The following HELZ variants were observed in gnomAD, a reference collection of about 807,000 sequenced individuals.
HELZ encodes ATP-dependent RNA helicase with zinc finger domain.
In HELZ, 23 loss-of-function variants were observed where a neutral mutation model predicts 218.2. The observed-to-expected ratio is 0.11, with a 90% confidence interval of 0.08 to 0.15. The LOEUF (loss-of-function observed/expected upper bound fraction) is 0.15, where lower values mean the gene tolerates loss of function less well. HELZ is among the 10% of genes least tolerant of loss of function. The pLI is 1.00. For synonymous variants in HELZ, 814 were observed against 829.4 expected, an observed-to-expected ratio of 0.98 and a Z score of 0.32; for missense variants, 1,813 against 2,353.7, an observed-to-expected ratio of 0.77 and a Z score of 4.75.
At chr17:67,210,817 G>C (rs1025034169) in intron 5 of HELZ, among the ~76,000 whole-genome samples, 1 of 152,104 alleles carries the variant, frequency 6.6e-6, no homozygotes, top group East Asian at 1.9e-4. Flanking sequence ...AGCTACTTGG[G>C]AGGCTGAGGC....
intron 27 of HELZ, among the ~76,000 whole-genome samples, chr17:67,118,692 C>CAAAAAAGA (rs2037503325): frequency 2.2e-5 from 1 of 44,912 alleles, no homozygotes; most frequent in Admixed American, 4.0e-4. Context: ...CTTTAAAAGG[C>CAAAAAAGA]AAAAAAAAAA....
chr17:67,231,593 A>AG (rs2041038416), intron 3 of HELZ, among the ~76,000 whole-genome samples: 3 of 139,078 alleles, frequency 2.2e-5, no homozygotes, highest in Non-Finnish European at 1.6e-5. Context: ...ACTCTGTCGG[A>AG]AAAAAAAAAA....
At chr17:67,133,558 G>A (rs942392510) in intron 23 of HELZ, among the ~76,000 whole-genome samples, 2 of 152,082 alleles carry the variant, frequency 1.3e-5, no homozygotes, top group Admixed American at 6.5e-5. Flanking sequence ...GTCTTGCTCT[G>A]TCACCCAGGC....
At chr17:67,235,640 G>A (rs1344004208) in intron 3 of HELZ, among the ~76,000 whole-genome samples, 2 of 152,004 alleles carry the variant, frequency 1.3e-5, no homozygotes, top group Non-Finnish European at 2.9e-5. Context: ...ATACAAAGGG[G>A]CTCACAGCAG....
intron 23 of HELZ, among the ~76,000 whole-genome samples, chr17:67,130,930 G>T (rs1304634698): frequency 6.6e-6 from 1 of 152,170 alleles, no homozygotes; most frequent in African/African-American, 2.4e-5. Context: ...CACTCAGAGT[G>T]AAGGGCAGGA....
intron 7 of HELZ, among the ~76,000 whole-genome samples, chr17:67,196,602 A>G (rs1000893043): frequency 1.5e-5 from 2 of 134,954 alleles, no homozygotes; most frequent in African/African-American, 5.5e-5. Flanking sequence ...GGATGGATGG[A>G]TGGGTGCATG....
chr17:67,099,752 G>T, intron 31 of HELZ, among the ~76,000 whole-genome samples: 1 of 152,134 alleles, frequency 6.6e-6, no homozygotes. Context: ...CTGGGGAAAG[G>T]TCAGCAACTT....
intron 19 of HELZ, 94 bp from the exon 20 acceptor site, chr17:67,148,808 T>G: frequency 8.5e-7 from 1 of 1,183,230 alleles, no homozygotes; most frequent in South Asian, 1.6e-5. Flanking sequence ...TAAAACTTCT[T>G]ATATACAAAA....
intron 9 of HELZ, among the ~76,000 whole-genome samples, chr17:67,192,437 T>C (rs1405559958): frequency 6.6e-6 from 1 of 152,214 alleles, no homozygotes. Context: ...AAAATTATAC[T>C]ATTTATTAAA....
chr17:67,172,504 C>T (rs1381124557), intron 13 of HELZ, among the ~76,000 whole-genome samples: 2 of 152,124 alleles, frequency 1.3e-5, no homozygotes, highest in Non-Finnish European at 2.9e-5. Context: ...TTCCCAAGCA[C>T]CATATTCCCA....
chr17:67,232,394 CG>C (rs1876181944), intron 3 of HELZ, among the ~76,000 whole-genome samples: 1 of 152,132 alleles, frequency 6.6e-6, no homozygotes, highest in Non-Finnish European at 1.5e-5. Flanking sequence ...CCTCATGATC[CG>C]CCCGCCTCAG....
chr17:67,086,711 T>C (rs901810796), intron 32 of HELZ, 118 bp downstream of exon 32: 1 of 908,496 alleles, frequency 1.1e-6, no homozygotes, highest in Non-Finnish European at 1.7e-6. Context: ...ATTAGCATCA[T>C]TAAATATTGT....
intron 31 of HELZ, among the ~76,000 whole-genome samples, chr17:67,091,923 T>C (rs2036584661): frequency 6.6e-6 from 1 of 152,140 alleles, no homozygotes; most frequent in Admixed American, 6.5e-5. Flanking sequence ...TTAAAGCAAA[T>C]ACGCTACAGT....
At chr17:67,096,783 C>G (rs1332978534) in intron 31 of HELZ, among the ~76,000 whole-genome samples, 1 of 152,202 alleles carries the variant, frequency 6.6e-6, no homozygotes, top group Non-Finnish European at 1.5e-5. Context: ...CAAACTTTCT[C>G]CACATCACTC....
intron 3 of HELZ, among the ~76,000 whole-genome samples, chr17:67,232,844 C>T (rs2041073037): frequency 6.6e-6 from 1 of 152,188 alleles, no homozygotes; most frequent in South Asian, 2.1e-4. Flanking sequence ...TAAAAAATAA[C>T]CAGCCTGGGC....
intron 31 of HELZ, among the ~76,000 whole-genome samples, chr17:67,106,255 G>GA (rs949820404): frequency 2.7e-5 from 4 of 146,078 alleles, no homozygotes; most frequent in East Asian, 1.9e-4. Context: ...TTTTTCATAG[G>GA]AAAAAAAAGT....
intron 5 of HELZ, among the ~76,000 whole-genome samples, chr17:67,208,338 A>G (rs1245634015): frequency 6.6e-6 from 1 of 152,144 alleles, no homozygotes; most frequent in East Asian, 1.9e-4. Flanking sequence ...TCTTAATTGT[A>G]TTCGTGGTTA....
In HELZ at chr17:67,108,359, A is replaced by T; in HGVS notation, c.4724+133T>A. ...TTTAGAGTCAACAAGAGAACTGTGT[A>T]GCGTGTGCTTGGAAGGCCAGCATCC... On this transcript the variant is annotated intron_variant, in intron 30 of 32. Coordinates refer to ENST00000358691, the MANE Select transcript of HELZ (RefSeq NM_014877.4). This position sits in a 1 kb window ranked among gnomAD's most constrained non-coding sequence, Gnocchi z 4.1. 3.0e-6 allele frequency: 2 copies of T among 673,930 alleles called. No homozygotes were observed. Among genetic ancestry groups the T allele is most frequent in the Non-Finnish European group, 5.3e-6 (2 of 379,590 alleles). 41.7% of individuals were successfully genotyped at this position (673,930 alleles called of 1,614,324 possible).
intron 23 of HELZ, among the ~76,000 whole-genome samples, chr17:67,135,194 G>A (rs1352727646): frequency 6.6e-6 from 1 of 152,098 alleles, no homozygotes; most frequent in Non-Finnish European, 1.5e-5. Flanking sequence ...CGAAAGACAA[G>A]TAATGACCAC....
Sources: gnomAD v4.1 joint callset for allele counts (sites outside exome capture counted in the v4.1 genomes callset) on GRCh38, gnomAD v4.1.1 for gene constraint, Gnocchi (gnomAD v3.1) non-coding constraint, MANE v1.5 for transcripts, NCBI Gene and HGNC (gene_info 2026-07-23, HGNC 2026-07-21) for gene names.